The following TNIK variants were observed in gnomAD, a reference collection of about 807,000 sequenced individuals.
TNIK encodes TRAF2 and NCK-interacting protein kinase.
A neutral mutation model predicts 191.3 loss-of-function variants in TNIK; 49 were observed. The ratio of observed to expected loss-of-function variants is 0.26; its 90% CI spans 0.20 to 0.32. The LOEUF (loss-of-function observed/expected upper bound fraction) is 0.32. Ranked by LOEUF, TNIK falls within the 10% of genes least tolerant of loss-of-function variation. The pLI, the probability that TNIK is intolerant of heterozygous loss-of-function variation, is 1.00. For synonymous variants in TNIK, 594 were observed against 600.9 expected (o/e 0.99, Z 0.17); for missense variants, 1,155 against 1,702.3 (o/e 0.68, Z 5.66).
At chr3:171,350,201 A>C (rs1338916862) in intron 2 of TNIK, among the ~76,000 whole-genome samples, 1 of 152,206 alleles carries the variant, frequency 6.6e-6, no homozygotes, top group Non-Finnish European at 1.5e-5. Flanking sequence ...CAGAATCAAA[A>C]TTTGAACTCA....
intron 2 of TNIK, among the ~76,000 whole-genome samples, chr3:171,251,236 AC>A (rs1025485599): frequency 1.1e-4 from 16 of 152,196 alleles, no homozygotes; most frequent in African/African-American, 3.9e-4. Context: ...AGAGACCGGG[AC>A]ACAGATATGA....
chr3:171,098,391 T>TAATC (rs763742613), intron 22 of TNIK, among the ~76,000 whole-genome samples: 2 of 152,190 alleles, frequency 1.3e-5, no homozygotes, highest in African/African-American at 4.8e-5. Context: ...TACCCAGAGG[T>TAATC]AATCACTTTT....
intron 3 of TNIK, among the ~76,000 whole-genome samples, chr3:171,221,932 CTT>C (rs1174229284): frequency 7.2e-5 from 11 of 152,110 alleles, no homozygotes; most frequent in Non-Finnish European, 1.3e-4. Flanking sequence ...ACACTAAAAT[CTT>C]TTCATTCCTA....
chr3:171,450,312 G>A (rs1283149057), intron 1 of TNIK, among the ~76,000 whole-genome samples: 1 of 152,216 alleles, frequency 6.6e-6, no homozygotes, highest in Non-Finnish European at 1.5e-5. Flanking sequence ...TTTCTTCACA[G>A]TGGAGCACAG....
rs915980035 is a variant in TNIK at position 171,061,451 on chromosome 3, T to C, written c.*2430A>G. The C allele has an allele frequency of 2.0e-5, 3 of 152,246 alleles. No individual in the cohort carries two copies. Among genetic ancestry groups the C allele is most frequent in the Non-Finnish European group, 2.9e-5 (2 of 68,042 alleles). 9.4% of individuals were successfully genotyped at this position (152,246 alleles called of 1,614,324 possible). On this transcript the variant is annotated 3_prime_UTR_variant, in exon 33 of 33. Coordinates refer to ENST00000436636, the MANE Select transcript of TNIK (RefSeq NM_015028.4). Reference sequence around the variant, plus strand: ...GCATTAATATTGTTTTCTTATGATTTGTTTCAATGACTCTAGATTTTAAAA... The same window carrying C: ...GCATTAATATTGTTTTCTTATGATTCGTTTCAATGACTCTAGATTTTAAAA...
At chr3:171,172,695 G>A (rs571129544) in intron 9 of TNIK, among the ~76,000 whole-genome samples, 3 of 152,070 alleles carry the variant, frequency 2.0e-5, no homozygotes, top group Admixed American at 1.3e-4. Flanking sequence ...TTGTTTCCCC[G>A]GTCTCTCTCT....
chr3:171,436,123 A>T (rs1725999498), intron 1 of TNIK, among the ~76,000 whole-genome samples: 1 of 152,128 alleles, frequency 6.6e-6, no homozygotes, highest in Non-Finnish European at 1.5e-5. Flanking sequence ...CCCACTCCTG[A>T]CCTTCCCTCC....
intron 2 of TNIK, among the ~76,000 whole-genome samples, chr3:171,355,593 A>G (rs1436015676): frequency 6.6e-6 from 1 of 152,200 alleles, no homozygotes; most frequent in Non-Finnish European, 1.5e-5. Context: ...AACTTTCACT[A>G]TTTTGACAAA....
At chr3:171,385,590 C>T (rs182315284) in intron 1 of TNIK, among the ~76,000 whole-genome samples, 68 of 152,108 alleles carry the variant, frequency 4.5e-4, no homozygotes, top group Non-Finnish European at 7.5e-4. Context: ...CACAGTCAAG[C>T]GGAGCTGAAT....
At position 171,060,624 on chromosome 3, in the gene TNIK, A is replaced by G. The variant is rs2108286049; in HGVS notation, c.*3257T>C. Reference sequence around the variant, plus strand: ...ATCTAAAATAGAGCTGTTCAATTTTATGTGGAACTTAGTGAAGGCTGTCTT... The same window carrying G: ...ATCTAAAATAGAGCTGTTCAATTTTGTGTGGAACTTAGTGAAGGCTGTCTT... On this transcript the variant is annotated 3_prime_UTR_variant, in exon 33 of 33. Coordinates refer to ENST00000436636, the MANE Select transcript of TNIK (RefSeq NM_015028.4). Among the ~76,000 whole-genome samples the G allele has an allele frequency of 6.6e-6, 1 of 152,320 alleles. No individual in the cohort carries two copies. The highest frequency in any genetic ancestry group is 1.9e-4 in the East Asian group (1 of 5,190).
intron 2 of TNIK, among the ~76,000 whole-genome samples, chr3:171,356,844 GA>G (rs1283131961): frequency 2.0e-5 from 3 of 152,146 alleles, no homozygotes; most frequent in Non-Finnish European, 2.9e-5. Flanking sequence ...AAGGTCAAAT[GA>G]AATAATGAAT....
chr3:171,237,763 A>T (rs1744470383), intron 2 of TNIK, among the ~76,000 whole-genome samples: 1 of 152,084 alleles, frequency 6.6e-6, no homozygotes. Context: ...CTCTATAAAA[A>T]ATCTAAAAAT....
At chr3:171,230,598 A>C (rs1743502468) in intron 2 of TNIK, among the ~76,000 whole-genome samples, 1 of 151,962 alleles carries the variant, frequency 6.6e-6, no homozygotes, top group Admixed American at 6.6e-5. Flanking sequence ...CTGTAAATGT[A>C]CTTTATTGTT....
intron 14 of TNIK, 86 bp downstream of exon 14, chr3:171,139,384 A>G (rs1017350241): frequency 4.8e-4 from 436 of 909,522 alleles, no homozygotes; most frequent in African/African-American, 4.0e-3. Context: ...GCGCGCACAC[A>G]CACACACACA....
chr3:171,099,427 A>G (rs1723154297), intron 22 of TNIK, among the ~76,000 whole-genome samples: 1 of 151,330 alleles, frequency 6.6e-6, no homozygotes, highest in South Asian at 2.1e-4. Context: ...TTGGCTATAC[A>G]CTCTTCAAAG....
intron 1 of TNIK, among the ~76,000 whole-genome samples, chr3:171,405,010 A>C (rs1187374203): frequency 6.6e-6 from 1 of 152,220 alleles, no homozygotes; most frequent in Non-Finnish European, 1.5e-5. Flanking sequence ...TTTGAAAATC[A>C]ATAAAGGTGA....
chr3:171,424,670 C>CA (rs1292647630), intron 1 of TNIK, among the ~76,000 whole-genome samples: 1 of 152,078 alleles, frequency 6.6e-6, no homozygotes, highest in African/African-American at 2.4e-5. Flanking sequence ...ATGATGAGTT[C>CA]ATGTCCTTTG....
At chr3:171,273,895 T>G (rs1749421265) in intron 2 of TNIK, among the ~76,000 whole-genome samples, 1 of 152,216 alleles carries the variant, frequency 6.6e-6, no homozygotes, top group African/African-American at 2.4e-5. Flanking sequence ...CAGCCTGATT[T>G]ACTTTAAACT....
In TNIK at chr3:171,194,581, T is replaced by C; in HGVS notation, c.361A>G (p.Lys121Glu). The change falls in exon 5 of 33, where the codon AAA becomes GAA. Residue 121 changes from lysine to glutamate, a missense_variant. Physicochemically the swap from Lys to Glu is moderately conservative, Grantham distance 56. Transcript: ENST00000436636. ...GSVTDLIKNT[K>E]GNTLKEEWIA... ...CACTCCTCTTTCAACGTGTTACCTT[T>C]TGTGTTCTTGATCAGGTCGGTGACA... 6.2e-7 allele frequency: 1 copy of C among 1,613,974 alleles called. No homozygotes were observed.
Sources: allele counts gnomAD v4.1 joint callset (sites outside exome capture counted in the v4.1 genomes callset), GRCh38; gene constraint gnomAD v4.1.1; transcripts MANE v1.5; gene names NCBI Gene and HGNC (gene_info 2026-07-23, HGNC 2026-07-21).